The following DEPDC1B variants were observed in gnomAD, a reference collection of about 807,000 sequenced individuals.
DEPDC1B encodes DEP domain containing 1B.
DEPDC1B carries 51 observed loss-of-function variants against 66.5 expected under a neutral mutation model. That is an observed-to-expected ratio of 0.77 (90% CI 0.61 to 0.97). The LOEUF is 0.97. Among genes scored for constraint, DEPDC1B ranks in the 50% least tolerant of loss-of-function variants. DEPDC1B has a pLI of 0.00. For synonymous variants in DEPDC1B, 226 were observed against 223.6 expected (o/e 1.01, Z -0.10); for missense variants, 552 against 637.1 (o/e 0.87, Z 1.44).
chr5:60,696,086 C>A (rs1299748598), intron 1 of DEPDC1B, among the ~76,000 whole-genome samples: 1 of 152,194 alleles, frequency 6.6e-6, no homozygotes, highest in Non-Finnish European at 1.5e-5. Context: ...CATGAGCCAC[C>A]GCACCCAGCG....
intron 2 of DEPDC1B, among the ~76,000 whole-genome samples, chr5:60,656,083 A>G (rs1753567702): frequency 6.6e-6 from 1 of 151,350 alleles, no homozygotes; most frequent in African/African-American, 2.4e-5. Flanking sequence ...AATAGAATGT[A>G]TATTCTGCAC....
intron 1 of DEPDC1B, among the ~76,000 whole-genome samples, chr5:60,689,866 A>T (rs766502779): frequency 3.3e-5 from 5 of 152,072 alleles, no homozygotes; most frequent in Non-Finnish European, 7.4e-5. Flanking sequence ...TCATGGGGAA[A>T]CCCCATTTCT....
In DEPDC1B at chr5:60,660,067, G is replaced by A. The variant is rs553198523; in HGVS notation, c.315-12534C>T. Among the ~76,000 whole-genome samples, 106 of 152,204 alleles carry A rather than the reference G, an allele frequency of 7.0e-4. 1 individual carries two copies. The highest frequency in any genetic ancestry group is 1.6e-3 in the African/African-American group (68 of 41,530). On this transcript the variant is annotated intron_variant, in intron 2 of 10. Transcript: ENST00000265036. The stretch of plus-strand genomic sequence containing the variant: ...AATTGAGTAAATTACAGGGAGGCGC[G>A]TATTCCTATAGTGGCAAATGGGGGC...
intron 2 of DEPDC1B, among the ~76,000 whole-genome samples, chr5:60,676,590 C>T (rs957593647): frequency 2.6e-5 from 4 of 152,168 alleles, no homozygotes; most frequent in African/African-American, 7.2e-5. Context: ...GGGTCATCCT[C>T]CTCCCTTTTC....
rs114126917 is a variant in DEPDC1B, at chr5:60,672,159, T to C, written c.314+14803A>G. 8.8e-3 allele frequency among the ~76,000 whole-genome samples: 1,344 copies of C among 152,326 alleles called. 20 individuals are homozygous for C. Among genetic ancestry groups the C allele is most frequent in the African/African-American group, 0.03 (1,249 of 41,562 alleles). ...GATACAGAGATAAAGGAACACTTAT[T>C]TGCTTGTTGTATAGCCTTCACCAGG... On this transcript the variant is annotated intron_variant, in intron 2 of 10. Coordinates refer to ENST00000265036, the MANE Select transcript of DEPDC1B (RefSeq NM_018369.3).
intron 7 of DEPDC1B, among the ~76,000 whole-genome samples, chr5:60,624,908 C>G (rs546359312): frequency 2.0e-5 from 3 of 151,520 alleles, no homozygotes; most frequent in Non-Finnish European, 2.9e-5. Flanking sequence ...CCCGACCCCC[C>G]ACACAGGCCC....
chr5:60,671,608 C>T (rs1222393371), intron 2 of DEPDC1B, among the ~76,000 whole-genome samples: 1 of 152,210 alleles, frequency 6.6e-6, no homozygotes, highest in Non-Finnish European at 1.5e-5. Context: ...CTCTGCTTTC[C>T]CTGAGGTCAG....
intron 2 of DEPDC1B, among the ~76,000 whole-genome samples, chr5:60,667,766 G>T (rs1313672680): frequency 1.6e-5 from 2 of 128,568 alleles, no homozygotes; most frequent in East Asian, 4.5e-4. Context: ...TATAAAAAAT[G>T]GATATTTTAC....
intron 7 of DEPDC1B, among the ~76,000 whole-genome samples, chr5:60,638,361 T>C (rs1023876511): frequency 2.0e-4 from 30 of 152,190 alleles, no homozygotes; most frequent in Non-Finnish European, 4.4e-5. Flanking sequence ...AAATTAGATT[T>C]CTAAATGAAA....
chr5:60,649,686 A>G (rs1156633785), intron 2 of DEPDC1B, among the ~76,000 whole-genome samples: 1 of 152,188 alleles, frequency 6.6e-6, no homozygotes, highest in Non-Finnish European at 1.5e-5. Context: ...AAGAGAACAA[A>G]CCATCTTACA....
intron 1 of DEPDC1B, among the ~76,000 whole-genome samples, chr5:60,689,964 A>T (rs1430896937): frequency 2.6e-5 from 4 of 152,148 alleles, no homozygotes; most frequent in Non-Finnish European, 5.9e-5. Flanking sequence ...CTGAAGTGGG[A>T]GGATCACTTG....
chr5:60,697,873 G>C (rs2112057275), intron 1 of DEPDC1B, among the ~76,000 whole-genome samples: 1 of 152,188 alleles, frequency 6.6e-6, no homozygotes, highest in African/African-American at 2.4e-5. Context: ...AGAGCAGAGA[G>C]CACCTTTTTT....
At chr5:60,642,702 C>A in intron 6 of DEPDC1B, 110 bp downstream of exon 6, 1 of 714,312 alleles carries the variant, frequency 1.4e-6, no homozygotes, top group Non-Finnish European at 2.3e-6. Context: ...AATTAACTGC[C>A]AGTCTCACAG....
intron 7 of DEPDC1B, among the ~76,000 whole-genome samples, chr5:60,614,645 A>T (rs1027879892): frequency 6.6e-6 from 1 of 152,160 alleles, no homozygotes; most frequent in Non-Finnish European, 1.5e-5. Context: ...TTTCAACTGG[A>T]TATGAGTACT....
chr5:60,608,189 C>G (rs918524727), intron 7 of DEPDC1B, among the ~76,000 whole-genome samples: 2 of 152,112 alleles, frequency 1.3e-5, no homozygotes, highest in Non-Finnish European at 2.9e-5. Flanking sequence ...TCTTTCTCCA[C>G]AAAGCCATCT....
intron 7 of DEPDC1B, chr5:60,630,727 A>T (rs1266030726): frequency 6.5e-6 from 1 of 152,738 alleles, no homozygotes; most frequent in Middle Eastern, 3.1e-3. Context: ...GAGCTGATCC[A>T]CAGCTTGCTG....
At chr5:60,629,851 C>G (rs755203366) in intron 7 of DEPDC1B, among the ~76,000 whole-genome samples, 1 of 152,146 alleles carries the variant, frequency 6.6e-6, no homozygotes, top group Non-Finnish European at 1.5e-5. Flanking sequence ...CTTTTCTTTC[C>G]TATGCAGAAG....
intron 7 of DEPDC1B, among the ~76,000 whole-genome samples, chr5:60,613,692 C>T (rs1301729111): frequency 6.6e-6 from 1 of 151,830 alleles, no homozygotes; most frequent in Admixed American, 6.6e-5. Flanking sequence ...ATACTTAATA[C>T]AATGTCACAG....
chr5:60,685,397 A>G (rs1336785805), intron 2 of DEPDC1B, among the ~76,000 whole-genome samples: 1 of 144,842 alleles, frequency 6.9e-6, no homozygotes, highest in African/African-American at 2.6e-5. Flanking sequence ...GTAAATGGTG[A>G]AAAAAAAAAA....
Sources: allele counts gnomAD v4.1 joint callset (sites outside exome capture counted in the v4.1 genomes callset), GRCh38; gene constraint gnomAD v4.1.1; transcripts MANE v1.5; gene names NCBI Gene and HGNC (gene_info 2026-07-23, HGNC 2026-07-21).